The following NKAIN2 variants were observed in gnomAD, a reference collection of about 807,000 sequenced individuals.
The protein encoded by NKAIN2 is sodium/potassium transporting ATPase interacting 2, also known as sodium/potassium-transporting ATPase subunit beta-1-interacting protein 2.
NKAIN2 carries 14 observed loss-of-function variants against 32.6 expected under a neutral mutation model. The observed-to-expected ratio is 0.43, with a 90% CI of 0.28 to 0.67. The LOEUF (loss-of-function observed/expected upper bound fraction) is 0.67, where lower values mean the gene tolerates loss of function less well. NKAIN2 is among the 30% of genes least tolerant of loss of function. The pLI, the probability that NKAIN2 is intolerant of heterozygous loss-of-function variation, is 0.17. For missense variants in NKAIN2, 198 were observed against 258.3 expected (o/e 0.77, Z 1.60); for synonymous variants, 80 against 87.2 (o/e 0.92, Z 0.46).
At chr6:123,827,499 G>A (rs1774196352) in intron 1 of NKAIN2, among the ~76,000 whole-genome samples, 1 of 152,014 alleles carries the variant, frequency 6.6e-6, no homozygotes, top group South Asian at 2.1e-4. Context: ...ATTAAATTCA[G>A]CATCAGCCAG....
At chr6:124,189,181 A>G (rs1172256715) in intron 1 of NKAIN2, among the ~76,000 whole-genome samples, 1 of 152,200 alleles carries the variant, frequency 6.6e-6, no homozygotes, top group East Asian at 1.9e-4. Flanking sequence ...GCAACAAACC[A>G]TGAGATTATT....
chr6:124,208,525 T>C (rs181075443), intron 1 of NKAIN2, among the ~76,000 whole-genome samples: 135 of 151,848 alleles, frequency 8.9e-4, no homozygotes, highest in African/African-American at 3.1e-3. Context: ...TATAAATATA[T>C]GTAAAAGTTA....
intron 3 of NKAIN2, among the ~76,000 whole-genome samples, chr6:124,456,596 T>TATAAA (rs1230075397): frequency 4.6e-5 from 7 of 151,956 alleles, no homozygotes; most frequent in African/African-American, 1.7e-4. Context: ...ATATGGTTAC[T>TATAAA]GGCCATTTCT....
chr6:124,449,583 A>G (rs1476410858), intron 3 of NKAIN2, among the ~76,000 whole-genome samples: 1 of 152,108 alleles, frequency 6.6e-6, no homozygotes, highest in African/African-American at 2.4e-5. Context: ...TGAGGCTAGG[A>G]CAATAACATC....
At chr6:124,278,650 C>CATATATATACATAT (rs1795148286) in intron 1 of NKAIN2, among the ~76,000 whole-genome samples, 1 of 68,986 alleles carries the variant, frequency 1.4e-5, no homozygotes, top group South Asian at 5.9e-4. Context: ...ATACATAGCT[C>CATATATATACATAT]ATATATATAT....
At chr6:123,991,579 T>C (rs1399222906) in intron 1 of NKAIN2, among the ~76,000 whole-genome samples, 1 of 152,128 alleles carries the variant, frequency 6.6e-6, no homozygotes, top group Non-Finnish European at 1.5e-5. Context: ...TAAAATATTT[T>C]TGGCTGGGCA....
intron 2 of NKAIN2, among the ~76,000 whole-genome samples, chr6:124,336,735 T>A (rs9401731): frequency 6.7e-6 from 1 of 148,912 alleles, no homozygotes; most frequent in African/African-American, 2.5e-5. Flanking sequence ...GTGCAGTGGC[T>A]AGATCTTGGC....
chr6:124,388,520 A>G (rs1429977702), intron 3 of NKAIN2, among the ~76,000 whole-genome samples: 2 of 151,890 alleles, frequency 1.3e-5, no homozygotes, highest in African/African-American at 4.8e-5. Flanking sequence ...ATATTCCCCA[A>G]ATTATTTCAC....
At chr6:124,567,070 T>A (rs1403509001) in intron 3 of NKAIN2, among the ~76,000 whole-genome samples, 2 of 152,232 alleles carry the variant, frequency 1.3e-5, no homozygotes, top group East Asian at 3.9e-4. Flanking sequence ...ATTTTCCCAA[T>A]TGAATGTCTC....
intron 4 of NKAIN2, among the ~76,000 whole-genome samples, chr6:124,659,823 A>C (rs891488747): frequency 6.6e-6 from 1 of 152,136 alleles, no homozygotes; most frequent in African/African-American, 2.4e-5. Context: ...CAGAATGGAC[A>C]GTAAAGAGGA....
At chr6:124,754,244 C>G (rs1042149037) in intron 4 of NKAIN2, among the ~76,000 whole-genome samples, 1 of 152,006 alleles carries the variant, frequency 6.6e-6, no homozygotes, top group Non-Finnish European at 1.5e-5. Context: ...TTATGTAAAA[C>G]TCAGTATAGT....
chr6:123,867,107 AT>A (rs1258852368), intron 1 of NKAIN2, among the ~76,000 whole-genome samples: 1 of 152,154 alleles, frequency 6.6e-6, no homozygotes, highest in Non-Finnish European at 1.5e-5. Flanking sequence ...CTTTCTAACC[AT>A]CCGTATCTAA....
intron 1 of NKAIN2, among the ~76,000 whole-genome samples, chr6:123,939,819 T>G (rs1041106305): frequency 1.3e-5 from 2 of 151,936 alleles, no homozygotes; most frequent in Non-Finnish European, 2.9e-5. Context: ...TTTTTCCAGT[T>G]ATTGCAAGTG....
intron 1 of NKAIN2, among the ~76,000 whole-genome samples, chr6:123,836,338 C>T (rs1398842836): frequency 6.6e-6 from 1 of 151,842 alleles, no homozygotes; most frequent in Admixed American, 6.6e-5. Context: ...GAACCTTAAC[C>T]AAATGACAAA....
At chr6:123,890,855 C>A (rs571824933) in intron 1 of NKAIN2, among the ~76,000 whole-genome samples, 1 of 152,172 alleles carries the variant, frequency 6.6e-6, no homozygotes. Context: ...GAATTGAAAA[C>A]AGGGACTCAA....
chr6:123,880,082 T>G (rs1299072006), intron 1 of NKAIN2, among the ~76,000 whole-genome samples: 1 of 152,132 alleles, frequency 6.6e-6, no homozygotes, highest in Non-Finnish European at 1.5e-5. Context: ...AAGGGCACAA[T>G]GATTTGGGTA....
intron 1 of NKAIN2, among the ~76,000 whole-genome samples, chr6:123,887,607 C>A (rs771012810): frequency 5.9e-5 from 9 of 152,074 alleles, no homozygotes. Context: ...TGCTCTCAAC[C>A]ATTGTAAATA....
chr6:123,959,925 A>ATGTGTGTGTGTGTGTGTGTG (rs6149793), intron 1 of NKAIN2, among the ~76,000 whole-genome samples: 1 of 141,270 alleles, frequency 7.1e-6, no homozygotes, highest in Non-Finnish European at 1.5e-5. Flanking sequence ...TCTTCCATAT[A>ATGTGTGTGTGTGTGTGTGTG]TGTGTGTGTG....
intron 1 of NKAIN2, among the ~76,000 whole-genome samples, chr6:123,916,252 A>G (rs930136689): frequency 2.0e-5 from 3 of 151,924 alleles, no homozygotes; most frequent in Non-Finnish European, 4.4e-5. Context: ...GTTAACTCCA[A>G]TATTTTATTT....
Sources: allele counts gnomAD v4.1 joint callset (sites outside exome capture counted in the v4.1 genomes callset), GRCh38; gene constraint gnomAD v4.1.1; transcripts MANE v1.5; gene names NCBI Gene and HGNC (gene_info 2026-07-23, HGNC 2026-07-21).